The following PKMYT1 variants were observed in gnomAD, a reference collection of about 807,000 sequenced individuals.
PKMYT1 encodes membrane-associated tyrosine- and threonine-specific cdc2-inhibitory kinase.
In PKMYT1, 35 loss-of-function variants were observed where a neutral mutation model predicts 49.7. The ratio of observed to expected loss-of-function variants is 0.70; its 90% CI spans 0.54 to 0.93. PKMYT1 has a LOEUF of 0.93. Among genes scored for constraint, PKMYT1 ranks in the 40% least tolerant of loss-of-function variants. The pLI is 0.00. For synonymous variants in PKMYT1, 331 were observed against 287.6 expected (o/e 1.15, Z -1.53); for missense variants, 677 against 673.1 (o/e 1.01, Z -0.06).
rs199579159 is a variant in PKMYT1, at chr16:2,976,834, G to C, written c.208C>G (p.Arg70Gly). 2 of 1,552,494 alleles carry C rather than the reference G, an allele frequency of 1.3e-6. No individual in the cohort carries two copies. The highest frequency in any genetic ancestry group is 1.7e-6 in the Non-Finnish European group (2 of 1,148,500). The change falls in exon 3 of 9, where the codon CGG becomes GGG. Residue 70 changes from arginine to glycine, a missense_variant. Coordinates refer to ENST00000262300, the MANE Select transcript of PKMYT1 (RefSeq NM_004203.5). Reference protein sequence around the residue: ...SIPISRLFPPRTPGWHQLQPR... With the variant: ...SIPISRLFPPGTPGWHQLQPR... Reference sequence around the variant, plus strand: ...TGCAGCTGGTGCCAGCCTGGGGTCCGAGGAGGGAAGAGGCGGCTGATGGGA... The same window carrying C: ...TGCAGCTGGTGCCAGCCTGGGGTCCCAGGAGGGAAGAGGCGGCTGATGGGA...
At position 2,973,055 on chromosome 16, in the gene PKMYT1, C is replaced by T. The variant is rs1358213000; in HGVS notation, c.1398G>A (p.Leu466=). ...PRSRCTPRDA[L]DLSDINSEPP... ...GCTCTGAGTTGATGTCACTTAGGTC[C>T]AGGGCATCCCTGGGAGGAGAGAGTA... The change falls in exon 9 of 9, where the codon CTG becomes CTA. Residue 466 remains leucine, a synonymous_variant. Coordinates refer to ENST00000262300, the MANE Select transcript of PKMYT1 (RefSeq NM_004203.5). 6.2e-7 allele frequency: 1 copy of T among 1,603,916 alleles called. No homozygotes were observed. The highest frequency in any genetic ancestry group is 8.5e-7 in the Non-Finnish European group (1 of 1,176,250).
At position 2,975,329 on chromosome 16, in the gene PKMYT1, C is replaced by A; in HGVS notation, c.862G>T (p.Asp288Tyr). 1 of 1,611,704 alleles carries A rather than the reference C, an allele frequency of 6.2e-7. No individual in the cohort carries two copies. The highest frequency in any genetic ancestry group is 1.7e-5 in the Admixed American group (1 of 59,942). Reference protein sequence around the residue: ...LLQGSYGTAADVFSLGLTILE... With the variant: ...LLQGSYGTAAYVFSLGLTILE... ...TGCCCCGGTCCCCACCTGAACACAT[C>A]CGCTGCTGTCCCATAGGAGCCCTGC... The change falls in exon 4 of 9, where the codon GAT becomes TAT. Residue 288 changes from aspartate (D) to tyrosine (Y), a missense_variant. Physicochemically the swap from Asp to Tyr is radical, Grantham distance 160 (BLOSUM62 -3). Transcript: ENST00000262300.
In PKMYT1 at chr16:2,975,472, A is replaced by G. The variant is rs1256766252; in HGVS notation, c.719T>C (p.Phe240Ser). 20 of 1,613,112 alleles carry G rather than the reference A, an allele frequency of 1.2e-5. No homozygotes were observed. The highest frequency in any genetic ancestry group is 1.7e-5 in the Non-Finnish European group (20 of 1,179,972). ...VHLDVKPANI[F>S]LGPRGRCKLG... ...CTTGCAGCGGCCCCGGGGCCCCAGGAAGATGTTGGCAGGCTTGACATCAAG... is the reference window on the plus strand; with the variant it reads ...CTTGCAGCGGCCCCGGGGCCCCAGGGAGATGTTGGCAGGCTTGACATCAAG... The change falls in exon 4 of 9, where the codon TTC becomes TCC. Residue 240 changes from phenylalanine to serine, a missense_variant. Transcript: ENST00000262300.
In PKMYT1 at chr16:2,979,923, G is replaced by C. The variant is rs2072296461; in HGVS notation, c.-255-11C>G. The stretch of plus-strand genomic sequence containing the variant: ...GGGTGTGGGGAAGCCCTGGCGAACA[G>C]AGCAGTGGACGGGCTGTCACGAGGG... On this transcript the variant is annotated splice_polypyrimidine_tract_variant and intron_variant, in intron 1 of 8. Coordinates refer to ENST00000262300, the MANE Select transcript of PKMYT1 (RefSeq NM_004203.5). 3 of 549,696 alleles carry C rather than the reference G, an allele frequency of 5.5e-6. No homozygotes were observed. The highest frequency in any genetic ancestry group is 2.2e-5 in the South Asian group (1 of 45,788). 34.1% of individuals were successfully genotyped at this position (549,696 alleles called of 1,614,324 possible).
chr16:2,977,487 C>T, intron 2 of PKMYT1: 1 of 994,924 alleles, frequency 1.0e-6, no homozygotes, highest in Non-Finnish European at 1.2e-6. Flanking sequence ...AACTGTCGTG[C>T]CAAAACCCAG....
Position 2,974,285 on chromosome 16 carries a change from A to G in PKMYT1, c.1112T>C (p.Met371Thr). 1 of 1,583,374 alleles carries G rather than the reference A, an allele frequency of 6.3e-7. No homozygotes were observed. Among genetic ancestry groups the G allele is most frequent in the South Asian group, 1.1e-5 (1 of 87,706 alleles). ...QPRAWGVLWC[M>T]AAEALSRGWA... is the part of the protein sequence containing the mutation. ...CCCTCGGCTCAGGGCCTCCGCTGCC[A>G]TGCACCACAGCACACCCCAGGCCCG... The change falls in exon 6 of 9, where the codon ATG becomes ACG. Residue 371 changes from methionine to threonine, a missense_variant. Met to Thr is a moderately conservative substitution (Grantham distance 81). Transcript: ENST00000262300.
Position 2,979,771 on chromosome 16 carries a change from T to C in PKMYT1, c.-114A>G. On this transcript the variant is annotated 5_prime_UTR_variant, in exon 2 of 9. Transcript: ENST00000262300. ...GCCAGGCGGGGGTGACCTCCGCAGCTTCCGGGGCCCTGGGCGATCGGGCCG... is the reference window on the plus strand; with the variant it reads ...GCCAGGCGGGGGTGACCTCCGCAGCCTCCGGGGCCCTGGGCGATCGGGCCG... 3.0e-6 allele frequency: 4 copies of C among 1,325,758 alleles called. No individual in the cohort carries two copies. The highest frequency in any genetic ancestry group is 4.3e-6 in the Non-Finnish European group (4 of 935,684). The allele number at this position is 1,325,758 out of a possible 1,614,324, so 82.1% of individuals were successfully genotyped here. A position where few individuals can be genotyped will look rare whatever the true frequency, so the allele number is the denominator to read the frequency against.
chr16:2,977,656 C>T (rs1365110664), intron 2 of PKMYT1: 1 of 221,484 alleles, frequency 4.5e-6, no homozygotes, highest in African/African-American at 2.3e-5. Context: ...CACAAGAAAA[C>T]CTGCCAAGGC....
intron 7 of PKMYT1, 98 bp from the exon 8 acceptor site, chr16:2,973,313 C>T: frequency 6.6e-7 from 1 of 1,518,030 alleles, no homozygotes; most frequent in East Asian, 2.5e-5. Context: ...TCCCGCCTGA[C>T]AAACAGGCAG....
rs763625646 is a variant in PKMYT1 at position 2,975,644 on chromosome 16, G to A, written c.547C>T (p.Leu183=). The part of the protein sequence containing the change: ...LEQAWEEGGI[L]YLQTELCGPS... ...CCGCACAGCTCCGTCTGCAGGTACA[G>A]GATGCCGCCCTCCTCCCAGGCCTGC... The change falls in exon 4 of 9, where the codon CTG becomes TTG. Residue 183 remains leucine, a synonymous_variant. Transcript: ENST00000262300. 2 of 1,611,508 alleles carry A rather than the reference G, an allele frequency of 1.2e-6. No individual in the cohort carries two copies. Among genetic ancestry groups the A allele is most frequent in the South Asian group, 1.1e-5 (1 of 91,040 alleles).
At chr16:2,973,706 A>C in intron 7 of PKMYT1, 1 of 504,712 alleles carries the variant, frequency 2.0e-6, no homozygotes, top group Non-Finnish European at 3.6e-6. Flanking sequence ...CAGAGAAGGG[A>C]CAATGTTTTA....
At position 2,973,327 on chromosome 16, in the gene PKMYT1, G is replaced by A. The variant is rs2072064362; in HGVS notation, c.1311-112C>T. The A allele has an allele frequency of 2.0e-6, 3 of 1,532,766 alleles. No individual in the cohort carries two copies. In the Admixed American group the frequency reaches 6.3e-5, roughly 32 times the overall value. The allele number at this position is 1,532,766 out of a possible 1,614,324, so 94.9% of individuals were successfully genotyped here. A position where few individuals can be genotyped will look rare whatever the true frequency, so the allele number is the denominator to read the frequency against. ...CTCCCGCCTGACAAACAGGCAGGGA[G>A]CCACAGTCAGGGACAATAAAAACTT... On this transcript the variant is annotated intron_variant, in intron 7 of 8. Transcript: ENST00000262300.
In PKMYT1 at chr16:2,973,005, A is replaced by G; in HGVS notation, c.1448T>C (p.Phe483Ser). ...CAGGCTGAGGAGGTTCCGAGGCTCA[A>G]AGGAGGGGAAGGAGCCCCGAGGAGG... The part of the protein sequence containing the change: ...SEPPRGSFPS[F>S]EPRNLLSLFE... The change falls in exon 9 of 9, where the codon TTT becomes TCT. Residue 483 changes from phenylalanine (F) to serine (S), a missense_variant. By Grantham distance (155) the Phe-to-Ser change is radical. Transcript: ENST00000262300. 1 of 1,610,528 alleles carries G rather than the reference A, an allele frequency of 6.2e-7. No individual in the cohort carries two copies. Among genetic ancestry groups the G allele is most frequent in the Admixed American group, 1.7e-5 (1 of 59,610 alleles).
chr16:2,980,018 G>C (rs989177028), intron 1 of PKMYT1, 106 bp from the exon 2 acceptor site: 15 of 323,398 alleles, frequency 4.6e-5, no homozygotes, highest in Non-Finnish European at 8.8e-5. Flanking sequence ...GGACTGTCAC[G>C]GGGAGGGCGG....
intron 7 of PKMYT1, chr16:2,973,706 A>G: frequency 2.0e-6 from 1 of 504,718 alleles, no homozygotes; most frequent in South Asian, 2.2e-5. Context: ...CAGAGAAGGG[A>G]CAATGTTTTA....
Position 2,980,241 on chromosome 16 carries a change from C to T in PKMYT1, c.-256+45G>A, listed in dbSNP as rs113691042. 4.2e-3 allele frequency: 647 copies of T among 153,592 alleles called. 2 individuals carry two copies. Among genetic ancestry groups the T allele is most frequent in the Non-Finnish European group, 7.7e-3 (532 of 68,846 alleles). 9.5% of individuals were successfully genotyped at this position (153,592 alleles called of 1,614,324 possible). A position where few individuals can be genotyped will look rare whatever the true frequency, so the allele number is the denominator to read the frequency against. On this transcript the variant is annotated intron_variant, in intron 1 of 8. Transcript: ENST00000262300. ...GACCTGGCGAGGCGGAGGGGAGCGG[C>T]GAGGTGGCCACGCCGAGGCCCCTCA...
chr16:2,977,089 GC>G (rs1266720940), intron 2 of PKMYT1, 58 bp from the exon 3 acceptor site: 1 of 1,583,726 alleles, frequency 6.3e-7, no homozygotes, highest in Admixed American at 1.7e-5. Context: ...ATACCACCTG[GC>G]CCTGTGGCTC....
At chr16:2,979,187 T>C (rs1024201169) in intron 2 of PKMYT1, among the ~76,000 whole-genome samples, 6 of 151,718 alleles carry the variant, frequency 4.0e-5, no homozygotes, top group Non-Finnish European at 8.8e-5. Context: ...ATACAAATTT[T>C]TGCCGGGCGT....
Position 2,976,892 on chromosome 16 carries a change from G to A in PKMYT1, c.150C>T (p.Ser50=), listed in dbSNP as rs1596453682. ...SLKRPRGLSR[S]LPPPPPAKGS... Reference sequence around the variant, plus strand: ...CCTTGGCAGGGGGCGGAGGTGGGAGGCTCCGGCTGAGCCCCCTGGGCCTCT... The same window carrying A: ...CCTTGGCAGGGGGCGGAGGTGGGAGACTCCGGCTGAGCCCCCTGGGCCTCT... The change falls in exon 3 of 9, where the codon AGC becomes AGT. Residue 50 remains serine, a synonymous_variant. Coordinates refer to ENST00000262300, the MANE Select transcript of PKMYT1 (RefSeq NM_004203.5). The A allele has an allele frequency of 3.9e-6, 6 of 1,536,202 alleles. No homozygotes were observed. The highest frequency in any genetic ancestry group is 5.3e-6 in the Non-Finnish European group (6 of 1,135,734).
Sources: gnomAD v4.1 joint callset for allele counts (sites outside exome capture counted in the v4.1 genomes callset) on GRCh38, gnomAD v4.1.1 for gene constraint, MANE v1.5 for transcripts, NCBI Gene and HGNC (gene_info 2026-07-23, HGNC 2026-07-21) for gene names.